The following HSD17B12 variants were observed in gnomAD, a reference collection of about 807,000 sequenced individuals.
HSD17B12 encodes very-long-chain 3-oxoacyl-CoA reductase.
In HSD17B12, 32 loss-of-function variants were observed where a neutral mutation model predicts 39.3. The ratio of observed to expected loss-of-function variants is 0.81; its 90% CI spans 0.61 to 1.09. The LOEUF is 1.09. HSD17B12 is among the 50% of genes least tolerant of loss of function. HSD17B12 has a pLI of 0.00. For synonymous variants in HSD17B12, 150 were observed against 146.7 expected, an observed-to-expected ratio of 1.02 and a Z score of -0.16; for missense variants, 342 against 382.9, an observed-to-expected ratio of 0.89 and a Z score of 0.89.
At chr11:43,708,696 A>G (rs1226937894) in intron 1 of HSD17B12, among the ~76,000 whole-genome samples, 1 of 152,254 alleles carries the variant, frequency 6.6e-6, no homozygotes, top group East Asian at 1.9e-4. Context: ...CCTAAAATGG[A>G]TCATTTCTAC....
In HSD17B12 at chr11:43,817,028, C is replaced by CTA. The variant is rs1315479011; in HGVS notation, c.501+641_501+642dup. 1.9e-3 allele frequency among the ~76,000 whole-genome samples: 38 copies of CTA among 20,136 alleles called. 1 individual carries two copies. Among genetic ancestry groups the CTA allele is most frequent in the African/African-American group, 5.0e-3 (36 of 7,156 alleles). The allele number at this position is 20,136 out of a possible 152,430, so 13.2% of individuals were successfully genotyped here. A position where few individuals can be genotyped will look rare whatever the true frequency, so the allele number is the denominator to read the frequency against. On this transcript the variant is annotated intron_variant, in intron 6 of 10. Transcript: ENST00000278353. ...TCTATATCTATATCTATATCTATAT[C>CTA]TATATCTATATCTATATATATATAT... is the stretch of plus-strand genomic sequence containing the variant.
chr11:43,820,822 T>G (rs1951175212), intron 6 of HSD17B12, among the ~76,000 whole-genome samples: 1 of 152,248 alleles, frequency 6.6e-6, no homozygotes. Context: ...AGATGTTTGC[T>G]GAGAAGGACC....
upstream of HSD17B12, among the ~76,000 whole-genome samples, chr11:43,676,273 A>C (rs950440962): frequency 2.0e-5 from 3 of 150,620 alleles, no homozygotes; most frequent in African/African-American, 7.4e-5. Flanking sequence ...AAACATGTTA[A>C]GTTTGAAATG....
intron 3 of HSD17B12, among the ~76,000 whole-genome samples, chr11:43,766,758 T>C (rs1370053221): frequency 2.0e-5 from 3 of 152,232 alleles, no homozygotes; most frequent in African/African-American, 7.2e-5. Flanking sequence ...TTCTTACTCT[T>C]GCACAGAAAG....
chr11:43,581,333 T>C, the HSD17B12 span: 1 of 473,394 alleles, frequency 2.1e-6, no homozygotes. The surrounding 1 kb of genome is among the most constrained non-coding windows in gnomAD (Gnocchi z 4.9). Flanking sequence ...CCTGTTCGGC[T>C]CCAGGGTTCG....
At chr11:43,648,204 T>G in the HSD17B12 span, among the ~76,000 whole-genome samples, 1 of 152,322 alleles carries the variant, frequency 6.6e-6, no homozygotes, top group East Asian at 1.9e-4. Context: ...GGTTCCAGAA[T>G]TTAAATGACA....
the HSD17B12 span, among the ~76,000 whole-genome samples, chr11:43,636,424 C>T: frequency 6.6e-6 from 1 of 152,026 alleles, no homozygotes; most frequent in African/African-American, 2.4e-5. Context: ...GAAGAAGGAG[C>T]GTAGTTCAAC....
At chr11:43,656,563 C>G in the HSD17B12 span, among the ~76,000 whole-genome samples, 1 of 152,040 alleles carries the variant, frequency 6.6e-6, no homozygotes, top group Non-Finnish European at 1.5e-5. Flanking sequence ...CCTCTACACA[C>G]TGCTTTGAAT....
chr11:43,723,750 G>T (rs1950196178), intron 1 of HSD17B12, among the ~76,000 whole-genome samples: 1 of 152,168 alleles, frequency 6.6e-6, no homozygotes, highest in African/African-American at 2.4e-5. Context: ...TATTCCAGTG[G>T]TGTAGCTGAA....
At chr11:43,671,746 T>C in the HSD17B12 span, among the ~76,000 whole-genome samples, 1 of 152,226 alleles carries the variant, frequency 6.6e-6, no homozygotes, top group Non-Finnish European at 1.5e-5. Flanking sequence ...ATGTTGTGTA[T>C]ATTATATAGC....
At chr11:43,583,187 G>A in the HSD17B12 span, among the ~76,000 whole-genome samples, 1 of 152,218 alleles carries the variant, frequency 6.6e-6, no homozygotes, top group Non-Finnish European at 1.5e-5. Flanking sequence ...AACTTGCACA[G>A]AAGAGGTTGA....
At chr11:43,663,508 A>G in the HSD17B12 span, among the ~76,000 whole-genome samples, 4 of 152,224 alleles carry the variant, frequency 2.6e-5, no homozygotes, top group Non-Finnish European at 4.4e-5. Flanking sequence ...CCAGGATTAC[A>G]GACATGAGCT....
the HSD17B12 span, among the ~76,000 whole-genome samples, chr11:43,579,732 T>C: frequency 5.9e-5 from 9 of 151,800 alleles, no homozygotes; most frequent in Non-Finnish European, 1.0e-4. Flanking sequence ...GCCGAGGGGA[T>C]GCCGTGGGAG....
chr11:43,753,450 G>A (rs1270427388), intron 2 of HSD17B12, among the ~76,000 whole-genome samples: 1 of 145,850 alleles, frequency 6.9e-6, no homozygotes. Flanking sequence ...AGTGGTGGGT[G>A]CAATCACGGC....
At chr11:43,848,147 T>C (rs1326209964) in intron 9 of HSD17B12, among the ~76,000 whole-genome samples, 1 of 152,166 alleles carries the variant, frequency 6.6e-6, no homozygotes. Context: ...GGAGTCTAAA[T>C]AGGGAGAGTT....
chr11:43,563,942 T>C, the HSD17B12 span, among the ~76,000 whole-genome samples: 2 of 151,784 alleles, frequency 1.3e-5, no homozygotes, highest in Admixed American at 1.3e-4. Flanking sequence ...AGAGATGAGG[T>C]CTTGCTCTGT....
At chr11:43,635,849 A>G in the HSD17B12 span, among the ~76,000 whole-genome samples, 197 of 152,344 alleles carry the variant, frequency 1.3e-3, no homozygotes, top group Non-Finnish European at 1.4e-3. Context: ...CTACCCAGGT[A>G]ATGCAATGCT....
intron 1 of HSD17B12, among the ~76,000 whole-genome samples, chr11:43,706,712 G>GTGTGTGTGTGTGTGTT (rs1950019008): frequency 6.6e-6 from 1 of 151,236 alleles, no homozygotes; most frequent in Non-Finnish European, 1.5e-5. Context: ...GTGTGTGTGT[G>GTGTGTGTGTGTGTGTT]TGTGTGTGTT....
chr11:43,788,989 A>C (rs916873223), intron 3 of HSD17B12, among the ~76,000 whole-genome samples: 8 of 152,154 alleles, frequency 5.3e-5, no homozygotes, highest in Admixed American at 2.6e-4. Flanking sequence ...GGACCATACA[A>C]CCTCCACCAG....
Sources: gnomAD v4.1 joint callset for allele counts (sites outside exome capture counted in the v4.1 genomes callset) on GRCh38, gnomAD v4.1.1 for gene constraint, Gnocchi (gnomAD v3.1) non-coding constraint, MANE v1.5 for transcripts, NCBI Gene and HGNC (gene_info 2026-07-23, HGNC 2026-07-21) for gene names.